Variants in ADAMTS17 observed in about 807,000 individuals in gnomAD.
ADAMTS17 encodes the protein ADAM metallopeptidase with thrombospondin type 1 motif 17, also known as A disintegrin and metalloproteinase with thrombospondin motifs 17.
ADAMTS17 carries 113 observed loss-of-function variants against 141.5 expected under a neutral mutation model. That is an observed-to-expected ratio of 0.80 (90% CI 0.69 to 0.93). The LOEUF is 0.93. Among genes scored for constraint, ADAMTS17 ranks in the 40% least tolerant of loss-of-function variants. The pLI is 0.00. For missense variants in ADAMTS17, 1,659 were observed against 1,517.9 expected, an observed-to-expected ratio of 1.09 and a Z score of -1.54; for synonymous variants, 768 against 630.6, an observed-to-expected ratio of 1.22 and a Z score of -3.27.
At chr15:100,223,674 C>A (rs769783595) in intron 7 of ADAMTS17, among the ~76,000 whole-genome samples, 3 of 150,960 alleles carry the variant, frequency 2.0e-5, no homozygotes, top group African/African-American at 4.9e-5. Flanking sequence ...CCCACAGACA[C>A]ACACACATAT....
In ADAMTS17 at chr15:100,292,171, T is replaced by TCACCCCGTGGGGAGTC. The variant is rs2044653547; in HGVS notation, c.617-10771_617-10770insGACTCCCCACGGGGTG. On this transcript the variant is annotated intron_variant, in intron 3 of 21. Transcript: ENST00000268070. ...GAGACACGCTCACCCCGTGGGAAAC[T>TCACCCCGTGGGGAGTC]ACGAGACACGCTCACCCCGTGGGGA... is the stretch of plus-strand genomic sequence containing the variant. Among the ~76,000 whole-genome samples, 5 of 95,986 alleles carry TCACCCCGTGGGGAGTC rather than the reference T, an allele frequency of 5.2e-5. No homozygotes were observed. In the East Asian group the frequency reaches 1.4e-3, roughly 27 times the overall value. The allele number at this position is 95,986 out of a possible 152,430, so 63.0% of individuals were successfully genotyped here.
intron 3 of ADAMTS17, among the ~76,000 whole-genome samples, chr15:100,311,067 GA>G (rs2045388862): frequency 6.6e-6 from 1 of 152,258 alleles, no homozygotes. Context: ...TTTTGCAGAG[GA>G]AAAAATGTAA....
At position 100,295,390 on chromosome 15, in the gene ADAMTS17, A is replaced by T. The variant is rs112739513; in HGVS notation, c.617-13989T>A. Among the ~76,000 whole-genome samples, 134 of 152,268 alleles carry T rather than the reference A, an allele frequency of 8.8e-4. 1 individual carries two copies. The highest frequency in any genetic ancestry group is 3.4e-3 in the Middle Eastern group (1 of 294). ...TAGGGGGCACTAGAGGGAGAATGAAAGGCAGGAGGTGAGGAGATGGGGTTC... is the reference window on the plus strand; with the variant it reads ...TAGGGGGCACTAGAGGGAGAATGAATGGCAGGAGGTGAGGAGATGGGGTTC... On this transcript the variant is annotated intron_variant, in intron 3 of 21. Transcript: ENST00000268070.
rs2060984360 is a variant in ADAMTS17, at chr15:100,004,072, T to TCCCAC, written c.2592-6484_2592-6483insGTGGG. On this transcript the variant is annotated intron_variant, in intron 18 of 21. Coordinates refer to ENST00000268070, the MANE Select transcript of ADAMTS17 (RefSeq NM_139057.4). ...ATGTCAGTGGGTGGTTAGAAGCAAG[T>TCCCAC]TGTAAATCAGTGAAGAAAAGTCGCA... Among the ~76,000 whole-genome samples the TCCCAC allele has an allele frequency of 2.9e-4, 44 of 152,346 alleles. No individual in the cohort carries two copies. In the South Asian group the frequency reaches 7.7e-3, roughly 27 times the overall value.
At chr15:100,047,048 T>G (rs2031747020) in intron 18 of ADAMTS17, among the ~76,000 whole-genome samples, 1 of 152,154 alleles carries the variant, frequency 6.6e-6, no homozygotes, top group African/African-American at 2.4e-5. Context: ...AGAAAGAGAA[T>G]GAGCCCCTGA....
intron 7 of ADAMTS17, among the ~76,000 whole-genome samples, chr15:100,213,486 C>T (rs1259434791): frequency 6.6e-6 from 1 of 152,196 alleles, no homozygotes; most frequent in Non-Finnish European, 1.5e-5. Context: ...ACAGCACACA[C>T]ACCACACACA....
At position 99,997,290 on chromosome 15, in the gene ADAMTS17, G is replaced by T; in HGVS notation, c.2796+95C>A. ...CACAACTTCAAGCTGACCTGGGGGC[G>T]AGCGAGGGCTGGGAGGCACCAGAAT... On this transcript the variant is annotated intron_variant, in intron 19 of 21. Transcript: ENST00000268070. This position sits in a 1 kb window ranked among gnomAD's most constrained non-coding sequence, Gnocchi z 4.7. 1 of 1,409,670 alleles carries T rather than the reference G, an allele frequency of 7.1e-7. No homozygotes were observed. Among genetic ancestry groups the T allele is most frequent in the Non-Finnish European group, 1.0e-6 (1 of 1,002,142 alleles). 87.3% of individuals were successfully genotyped at this position (1,409,670 alleles called of 1,614,324 possible). A position where few individuals can be genotyped will look rare whatever the true frequency, so the allele number is the denominator to read the frequency against.
At chr15:100,288,166 A>T (rs1036616389) in intron 3 of ADAMTS17, among the ~76,000 whole-genome samples, 1 of 152,232 alleles carries the variant, frequency 6.6e-6, no homozygotes, top group Non-Finnish European at 1.5e-5. Context: ...ATGGAGAAAC[A>T]TCTACCAAGT....
intron 8 of ADAMTS17, among the ~76,000 whole-genome samples, chr15:100,181,192 G>A (rs924981854): frequency 6.6e-6 from 1 of 152,020 alleles, no homozygotes; most frequent in Non-Finnish European, 1.5e-5. Flanking sequence ...CCAGACATCG[G>A]ACTCACCATT....
At chr15:100,275,169 C>A (rs1203369969) in intron 4 of ADAMTS17, among the ~76,000 whole-genome samples, 1 of 152,206 alleles carries the variant, frequency 6.6e-6, no homozygotes, top group East Asian at 1.9e-4. Context: ...TTCCACAAGG[C>A]ACGTAAGCAG....
chr15:100,041,460 GC>G (rs1394492115), intron 18 of ADAMTS17, among the ~76,000 whole-genome samples: 2 of 152,242 alleles, frequency 1.3e-5, no homozygotes, highest in East Asian at 3.8e-4. Flanking sequence ...GGCAGCCCCT[GC>G]CTCCTTGCTC....
At chr15:100,224,127 C>T (rs923735605) in intron 7 of ADAMTS17, among the ~76,000 whole-genome samples, 2 of 152,100 alleles carry the variant, frequency 1.3e-5, no homozygotes, top group African/African-American at 4.8e-5. Context: ...AAATGTTAAT[C>T]TCTTTTGCCA....
intron 17 of ADAMTS17, 124 bp downstream of exon 17, chr15:100,051,448 T>C (rs2032136052): frequency 1.4e-6 from 2 of 1,383,456 alleles, no homozygotes; most frequent in Admixed American, 1.7e-5. Flanking sequence ...CGGTGGGATA[T>C]GGTTAAATTC....
intron 19 of ADAMTS17, among the ~76,000 whole-genome samples, chr15:99,996,734 G>A (rs1291745567): frequency 6.6e-6 from 1 of 152,138 alleles, no homozygotes; most frequent in Admixed American, 6.5e-5. Context: ...GACTACGCTG[G>A]TGGAAGACCT....
rs539065913 is a variant in ADAMTS17, at chr15:100,193,090, C to T, written c.1181+6228G>A. Among the ~76,000 whole-genome samples, 3 of 152,362 alleles carry T rather than the reference C, an allele frequency of 2.0e-5. No individual in the cohort carries two copies. In the East Asian group the frequency reaches 5.8e-4, roughly 29 times the overall value. ...ATGAAAATTAGAGAAGACTGAGCTT[C>T]ACCTGCACCTGGTGGCAGCCCCACC... On this transcript the variant is annotated intron_variant, in intron 8 of 21. Transcript: ENST00000268070.
intron 18 of ADAMTS17, among the ~76,000 whole-genome samples, chr15:100,037,038 G>A (rs536849345): frequency 2.0e-5 from 3 of 152,288 alleles, no homozygotes; most frequent in East Asian, 1.9e-4. Flanking sequence ...AAGCTCTTGT[G>A]TGGACATGTT....
chr15:100,127,131 G>A (rs963423296), intron 12 of ADAMTS17, among the ~76,000 whole-genome samples: 1 of 152,148 alleles, frequency 6.6e-6, no homozygotes, highest in Admixed American at 6.5e-5. Context: ...AGGAGGCTTC[G>A]AGGCTGCAGG....
intron 18 of ADAMTS17, among the ~76,000 whole-genome samples, chr15:100,001,484 C>T (rs12595247): frequency 0.49 from 73,772 of 151,680 alleles, 18,863 homozygotes; most frequent in Non-Finnish European, 0.58. Context: ...AAATGTGCAA[C>T]ACTGAGAATG....
chr15:100,309,434 A>T (rs1023757524), intron 3 of ADAMTS17, among the ~76,000 whole-genome samples: 1 of 152,112 alleles, frequency 6.6e-6, no homozygotes, highest in East Asian at 1.9e-4. Flanking sequence ...ACCCACTGCA[A>T]CCTCGGGGGT....
Sources: gnomAD v4.1 joint callset for allele counts (sites outside exome capture counted in the v4.1 genomes callset) on GRCh38, gnomAD v4.1.1 for gene constraint, Gnocchi (gnomAD v3.1) non-coding constraint, MANE v1.5 for transcripts, NCBI Gene and HGNC (gene_info 2026-07-23, HGNC 2026-07-21) for gene names.